ERG: variants seen among roughly 807,000 people sequenced by gnomAD.
The protein encoded by ERG is ETS transcription factor ERG.
In ERG, 9 loss-of-function variants were observed where a neutral mutation model predicts 55.3. The ratio of observed to expected loss-of-function variants is 0.16; its 90% CI spans 0.10 to 0.28. The LOEUF (loss-of-function observed/expected upper bound fraction) is 0.28, where lower values mean the gene tolerates loss of function less well. Among genes scored for constraint, ERG ranks in the 10% least tolerant of loss-of-function variants. The pLI is 1.00. For missense variants in ERG, 434 were observed against 631.6 expected (o/e 0.69, Z 3.35); for synonymous variants, 223 against 237.3 (o/e 0.94, Z 0.55).
chr21:38,614,526 G>A (rs1436093801), intron 1 of ERG, among the ~76,000 whole-genome samples: 1 of 152,138 alleles, frequency 6.6e-6, no homozygotes, highest in Non-Finnish European at 1.5e-5. Context: ...TGCAAAGTTG[G>A]CAGGCAGTGG....
intron 2 of ERG, among the ~76,000 whole-genome samples, chr21:38,432,751 G>T (rs2146528451): frequency 6.6e-6 from 1 of 152,286 alleles, no homozygotes; most frequent in East Asian, 1.9e-4. Flanking sequence ...ACTTGCCCAA[G>T]ATCACACAGC....
chr21:38,552,873 A>G (rs1049352173), intron 2 of ERG, among the ~76,000 whole-genome samples: 2 of 151,976 alleles, frequency 1.3e-5, no homozygotes, highest in East Asian at 3.9e-4. Context: ...AACAAAATAC[A>G]TCCAAATGGG....
chr21:38,608,809 C>A (rs1222163967), intron 1 of ERG, among the ~76,000 whole-genome samples: 1 of 152,184 alleles, frequency 6.6e-6, no homozygotes, highest in East Asian at 1.9e-4. Flanking sequence ...TCCAGATTCC[C>A]ACAGCCCATC....
chr21:38,583,257 C>T (rs1047368705), intron 1 of ERG, among the ~76,000 whole-genome samples: 3 of 152,208 alleles, frequency 2.0e-5, no homozygotes, highest in African/African-American at 7.2e-5. Context: ...GGGCAGAGGC[C>T]TCCCTTATGG....
chr21:38,388,174 G>A (rs1029870439), intron 9 of ERG, among the ~76,000 whole-genome samples: 23 of 152,220 alleles, frequency 1.5e-4, no homozygotes, highest in African/African-American at 5.1e-4. Context: ...TAGCATCAAG[G>A]AAGCCTCTGA....
chr21:38,412,777 T>C (rs1989116748), intron 3 of ERG, among the ~76,000 whole-genome samples: 1 of 152,220 alleles, frequency 6.6e-6, no homozygotes, highest in African/African-American at 2.4e-5. Context: ...ATGTTCATTG[T>C]TTCTGTTAAA....
In ERG at chr21:38,393,781, C is replaced by T. The variant is rs112235518; in HGVS notation, c.746-1337G>A. Among the ~76,000 whole-genome samples, 806 of 152,286 alleles carry T rather than the reference C, an allele frequency of 5.3e-3. 3 individuals are homozygous for T. Among genetic ancestry groups the T allele is most frequent in the Non-Finnish European group, 8.8e-3 (598 of 68,028 alleles). ...GTCTGTTTGGCTGCAAGCATCTTTGCTACTAGTGTGGTCTATGAAATCCTA... is the reference window on the plus strand; with the variant it reads ...GTCTGTTTGGCTGCAAGCATCTTTGTTACTAGTGTGGTCTATGAAATCCTA... On this transcript the variant is annotated intron_variant, in intron 6 of 9. Transcript: ENST00000288319.
chr21:38,510,809 C>T (rs1019416094), intron 2 of ERG, among the ~76,000 whole-genome samples: 7 of 152,090 alleles, frequency 4.6e-5, no homozygotes, highest in African/African-American at 1.4e-4. Context: ...ATCGATTTTC[C>T]CCTGACCACT....
At chr21:38,660,429 C>G (rs1354473217) in intron 1 of ERG, 2 of 152,424 alleles carry the variant, frequency 1.3e-5, no homozygotes, top group African/African-American at 2.4e-5. Flanking sequence ...GCAGAGTGAG[C>G]CCCTAGGGCC....
At chr21:38,421,914 A>C (rs1989562097) in intron 3 of ERG, among the ~76,000 whole-genome samples, 1 of 152,174 alleles carries the variant, frequency 6.6e-6, no homozygotes, top group Non-Finnish European at 1.5e-5. Context: ...GTGCAATGGC[A>C]CAATTTTGGC....
At chr21:38,404,563 A>T (rs9976326) in intron 3 of ERG, among the ~76,000 whole-genome samples, 32,945 of 152,152 alleles carry the variant, frequency 0.22, 4,066 homozygotes, top group South Asian at 0.37. Flanking sequence ...AGAGTGTGGT[A>T]AATGGGGCGG....
At chr21:38,570,490 C>G (rs1568920739) in intron 2 of ERG, among the ~76,000 whole-genome samples, 1 of 152,158 alleles carries the variant, frequency 6.6e-6, no homozygotes, top group Non-Finnish European at 1.5e-5. Context: ...GTATCAGAGA[C>G]AGGATGATGT....
At chr21:38,648,529 G>T (rs1230397892) in intron 1 of ERG, among the ~76,000 whole-genome samples, 1 of 152,212 alleles carries the variant, frequency 6.6e-6, no homozygotes, top group African/African-American at 2.4e-5. Flanking sequence ...GCAGGCTTAT[G>T]AATAATTTTC....
At chr21:38,390,556 C>T (rs1381197686) in intron 9 of ERG, among the ~76,000 whole-genome samples, 1 of 152,118 alleles carries the variant, frequency 6.6e-6, no homozygotes, top group Non-Finnish European at 1.5e-5. Flanking sequence ...GACTGACACA[C>T]ACAGAGAGAT....
chr21:38,604,357 T>C (rs1207398107), intron 1 of ERG, among the ~76,000 whole-genome samples: 4 of 152,100 alleles, frequency 2.6e-5, no homozygotes, highest in Non-Finnish European at 4.4e-5. Context: ...AAAACATCTA[T>C]TATGGAATAA....
intron 2 of ERG, among the ~76,000 whole-genome samples, chr21:38,567,971 G>A (rs1161631013): frequency 6.6e-6 from 1 of 152,190 alleles, no homozygotes; most frequent in Non-Finnish European, 1.5e-5. Context: ...TAAGTTTAGC[G>A]TCTTTTATGG....
At chr21:38,438,014 A>G (rs2058806783) in intron 2 of ERG, among the ~76,000 whole-genome samples, 1 of 152,130 alleles carries the variant, frequency 6.6e-6, no homozygotes, top group African/African-American at 2.4e-5. Flanking sequence ...CAAACTCATC[A>G]TCTATTACTC....
At chr21:38,501,896 T>C (rs2059424131), upstream of ERG, among the ~76,000 whole-genome samples, 1 of 152,230 alleles carries the variant, frequency 6.6e-6, no homozygotes, top group Admixed American at 6.5e-5. Context: ...ATACCATAAA[T>C]TCACTGTCAC....
chr21:38,380,566 CAG>C lies in ERG; in HGVS notation c.*2835_*2836del, dbSNP rs373076901. 6 of 1,065,654 alleles carry C rather than the reference CAG, an allele frequency of 5.6e-6. No individual in the cohort carries two copies. Among genetic ancestry groups the C allele is most frequent in the Non-Finnish European group, 6.8e-6 (6 of 879,632 alleles). The allele number at this position is 1,065,654 out of a possible 1,614,324, so 66.0% of individuals were successfully genotyped here. On this transcript the variant is annotated 3_prime_UTR_variant, in exon 10 of 10. Coordinates refer to ENST00000288319, the MANE Select transcript of ERG (RefSeq NM_182918.4). ...GGGCAAGCCAAGAGACAGGGACAAACAGAGAGAAAAGGTTCATGCAATTATGA... is the reference window on the plus strand; with the variant it reads ...GGGCAAGCCAAGAGACAGGGACAAACAGAGAAAAGGTTCATGCAATTATGA...
Sources: allele counts gnomAD v4.1 joint callset (sites outside exome capture counted in the v4.1 genomes callset), GRCh38; gene constraint gnomAD v4.1.1; transcripts MANE v1.5; gene names NCBI Gene and HGNC (gene_info 2026-07-23, HGNC 2026-07-21).